RNF157: variants seen among roughly 807,000 people sequenced by gnomAD.
RNF157 encodes the protein ring finger protein 157.
RNF157 carries 55 observed loss-of-function variants against 88.3 expected under a neutral mutation model. The observed-to-expected ratio is 0.62, with a 90% CI of 0.50 to 0.78. RNF157 has a LOEUF of 0.78. Ranked by LOEUF, RNF157 falls within the 30% of genes least tolerant of loss-of-function variation. The pLI, the probability that RNF157 is intolerant of heterozygous loss-of-function variation, is 0.00. For synonymous variants in RNF157, 334 were observed against 341.2 expected (o/e 0.98, Z 0.23); for missense variants, 788 against 860.8 (o/e 0.92, Z 1.06).
intron 3 of RNF157, among the ~76,000 whole-genome samples, 154 bp downstream of exon 3, chr17:76,173,548 A>T (rs1032558494): frequency 1.3e-5 from 2 of 152,114 alleles, no homozygotes; most frequent in African/African-American, 4.8e-5. Flanking sequence ...ATCTCAGCAG[A>T]AAGTAGCGCC....
chr17:76,188,467 G>T (rs556142736), intron 2 of RNF157, among the ~76,000 whole-genome samples: 27 of 152,114 alleles, frequency 1.8e-4, no homozygotes, highest in Non-Finnish European at 2.8e-4. Context: ...CTTGTCAGAG[G>T]TGATTACACT....
intron 1 of RNF157, among the ~76,000 whole-genome samples, chr17:76,215,024 C>T (rs2069864933): frequency 6.6e-6 from 1 of 152,182 alleles, no homozygotes; most frequent in Non-Finnish European, 1.5e-5. Context: ...ATACCTTTAT[C>T]AACACTCTCA....
chr17:76,227,542 A>G (rs1322944655), intron 1 of RNF157, among the ~76,000 whole-genome samples: 1 of 152,138 alleles, frequency 6.6e-6, no homozygotes, highest in Admixed American at 6.5e-5. Flanking sequence ...AGAGGAAACT[A>G]ATGCACAGAG....
At chr17:76,234,941 G>C (rs1019535847) in intron 1 of RNF157, among the ~76,000 whole-genome samples, 21 of 151,838 alleles carry the variant, frequency 1.4e-4, no homozygotes, top group Non-Finnish European at 5.9e-5. Flanking sequence ...CAATTGTCTC[G>C]GTACTTTTGT....
intron 2 of RNF157, among the ~76,000 whole-genome samples, chr17:76,190,897 G>C (rs1598417004): frequency 6.7e-6 from 1 of 148,742 alleles, no homozygotes; most frequent in East Asian, 2.0e-4. Flanking sequence ...GACAGGGCGA[G>C]ACTCTGTCTC....
In RNF157 at chr17:76,210,734, A is replaced by ACGCTT. The variant is rs546291775; in HGVS notation, c.207+1629_207+1630insAAGCG. ...ATTTCTCCAGGTCACTCACCTACCT[A>ACGCTT]CAAGTCTTAAATATTCCTCACGGTC... On this transcript the variant is annotated intron_variant, in intron 2 of 18. Coordinates refer to ENST00000269391, the MANE Select transcript of RNF157 (RefSeq NM_052916.3). Among the ~76,000 whole-genome samples the ACGCTT allele has an allele frequency of 3.0e-3, 463 of 152,220 alleles. 1 individual carries two copies. The highest frequency in any genetic ancestry group is 4.0e-3 in the Non-Finnish European group (272 of 67,996).
chr17:76,162,655 G>A (rs62090128), intron 8 of RNF157, 32 bp from the exon 9 acceptor site: 168,602 of 1,545,420 alleles, frequency 0.11, 10,589 homozygotes, highest in Non-Finnish European at 0.13. Flanking sequence ...TCAAGGACAG[G>A]CTGTCTCTAC....
intron 17 of RNF157, 107 bp from the exon 18 acceptor site, chr17:76,152,572 A>T (rs1047738993): frequency 1.4e-6 from 1 of 716,094 alleles, no homozygotes; most frequent in African/African-American, 1.8e-5. Flanking sequence ...ATCAAATCAT[A>T]TGTTAAAAAA....
chr17:76,220,899 A>C (rs1391577527), intron 1 of RNF157, among the ~76,000 whole-genome samples: 1 of 151,752 alleles, frequency 6.6e-6, no homozygotes, highest in East Asian at 1.9e-4. Context: ...CAGAGGTTGT[A>C]GTGAGCCGAG....
In RNF157 at chr17:76,162,629, C is replaced by G. The variant is rs764985284; in HGVS notation, c.721-6G>C. Reference sequence around the variant, plus strand: ...AGGTAGCTGACCCCGTCTACCTGAACAGCAAACAGAAAGGTTCAAGGACAG... The same window carrying G: ...AGGTAGCTGACCCCGTCTACCTGAAGAGCAAACAGAAAGGTTCAAGGACAG... On this transcript the variant is annotated splice_polypyrimidine_tract_variant and splice_region_variant and intron_variant, in intron 8 of 18. Transcript: ENST00000269391. 2.5e-6 allele frequency: 4 copies of G among 1,608,482 alleles called. No individual in the cohort carries two copies. Among genetic ancestry groups the G allele is most frequent in the South Asian group, 2.2e-5 (2 of 90,124 alleles).
At chr17:76,210,540 A>T (rs961611149) in intron 2 of RNF157, among the ~76,000 whole-genome samples, 3 of 126,974 alleles carry the variant, frequency 2.4e-5, no homozygotes, top group African/African-American at 8.9e-5. Context: ...CAGTGAGCCA[A>T]GATCGTGCCA....
intron 2 of RNF157, among the ~76,000 whole-genome samples, chr17:76,193,449 G>C (rs1305008288): frequency 6.6e-6 from 1 of 152,098 alleles, no homozygotes; most frequent in Non-Finnish European, 1.5e-5. Context: ...ATACAGTTAG[G>C]ATATATCTCA....
At chr17:76,220,806 A>C (rs2069970109) in intron 1 of RNF157, among the ~76,000 whole-genome samples, 1 of 152,130 alleles carries the variant, frequency 6.6e-6, no homozygotes. Context: ...AAAAATACAA[A>C]AATTAGCTGG....
At chr17:76,231,071 T>G (rs1324085493) in intron 1 of RNF157, among the ~76,000 whole-genome samples, 1 of 151,904 alleles carries the variant, frequency 6.6e-6, no homozygotes, top group African/African-American at 2.4e-5. Flanking sequence ...TCTGAGTAGC[T>G]GGGACTACCT....
At chr17:76,151,418 CT>C (rs2068674775) in intron 18 of RNF157, among the ~76,000 whole-genome samples, 1 of 152,220 alleles carries the variant, frequency 6.6e-6, no homozygotes, top group African/African-American at 2.4e-5. Context: ...GCTCCAACGC[CT>C]CCAGCCACGT....
rs1219823635 is a variant in RNF157, at chr17:76,155,433, CTTG to C, written c.1699-119_1699-117del. The C allele has an allele frequency of 5.5e-6, 8 of 1,449,406 alleles. No individual in the cohort carries two copies. In the African/African-American group the frequency reaches 8.4e-5, roughly 15 times the overall value. The allele number at this position is 1,449,406 out of a possible 1,614,324, so 89.8% of individuals were successfully genotyped here. A position where few individuals can be genotyped will look rare whatever the true frequency, so the allele number is the denominator to read the frequency against. ...AGGAGGGTCAGACCTAAGGGAATGC[CTTG>C]TTTTCTGCAGCACTCCTGGCATTTT... On this transcript the variant is annotated intron_variant, in intron 15 of 18. Coordinates refer to ENST00000269391, the MANE Select transcript of RNF157 (RefSeq NM_052916.3).
intron 2 of RNF157, among the ~76,000 whole-genome samples, chr17:76,184,875 C>T (rs1487179659): frequency 6.6e-6 from 1 of 152,218 alleles, no homozygotes; most frequent in Non-Finnish European, 1.5e-5. Context: ...GGTCTCTTGG[C>T]AGGAAGTACA....
chr17:76,199,345 C>G (rs1477718208), intron 2 of RNF157, among the ~76,000 whole-genome samples: 1 of 152,154 alleles, frequency 6.6e-6, no homozygotes, highest in African/African-American at 2.4e-5. Context: ...TGGCCTCAAC[C>G]TCACAGGCTC....
intron 2 of RNF157, among the ~76,000 whole-genome samples, chr17:76,203,356 C>T (rs780493285): frequency 6.6e-6 from 1 of 152,164 alleles, no homozygotes; most frequent in African/African-American, 2.4e-5. Flanking sequence ...TTGAGACTCA[C>T]TGATTGGCCA....
Sources: allele counts gnomAD v4.1 joint callset (sites outside exome capture counted in the v4.1 genomes callset), GRCh38; gene constraint gnomAD v4.1.1; transcripts MANE v1.5; gene names NCBI Gene and HGNC (gene_info 2026-07-23, HGNC 2026-07-21).